Variants in TRIM44 observed in about 807,000 individuals in gnomAD.
The protein encoded by TRIM44 is tripartite motif containing 44.
A neutral mutation model predicts 37.4 loss-of-function variants in TRIM44; 13 were observed. The observed-to-expected ratio is 0.35, with a 90% CI of 0.23 to 0.55. The LOEUF (loss-of-function observed/expected upper bound fraction) is 0.55, where lower values mean the gene tolerates loss of function less well. TRIM44 is among the 20% of genes least tolerant of loss of function. The pLI, the probability that TRIM44 is intolerant of heterozygous loss-of-function variation, is 0.89. For synonymous variants in TRIM44, 175 were observed against 157.2 expected (o/e 1.11, Z -0.85); for missense variants, 426 against 437.2 (o/e 0.97, Z 0.23).
At chr11:35,783,065 G>A (rs940955878) in intron 4 of TRIM44, among the ~76,000 whole-genome samples, 1 of 152,144 alleles carries the variant, frequency 6.6e-6, no homozygotes, top group Non-Finnish European at 1.5e-5. Flanking sequence ...TTACACACCA[G>A]ACTCTATGCT....
chr11:35,758,712 C>T (rs1852682228), intron 4 of TRIM44, among the ~76,000 whole-genome samples: 3 of 152,158 alleles, frequency 2.0e-5, no homozygotes, highest in South Asian at 4.1e-4. Flanking sequence ...CAAAATCTCT[C>T]AGCATTTGTT....
At chr11:35,773,906 A>G (rs547519516) in intron 4 of TRIM44, among the ~76,000 whole-genome samples, 6 of 152,266 alleles carry the variant, frequency 3.9e-5, no homozygotes, top group African/African-American at 1.4e-4. Context: ...AGTCTTTGCT[A>G]TTGTGAATAG....
At chr11:35,721,465 T>C (rs1852106291) in intron 2 of TRIM44, among the ~76,000 whole-genome samples, 2 of 152,198 alleles carry the variant, frequency 1.3e-5, no homozygotes, top group Non-Finnish European at 2.9e-5. Context: ...ACCATTATAT[T>C]ATTTCATTGA....
At chr11:35,761,388 GCTCT>G (rs58015445) in intron 4 of TRIM44, among the ~76,000 whole-genome samples, 2 of 112,760 alleles carry the variant, frequency 1.8e-5, no homozygotes, top group Non-Finnish European at 3.8e-5. Flanking sequence ...TGTATTGTTT[GCTCT>G]CTCTCTCTCT....
chr11:35,704,022 G>A (rs1322193946), intron 2 of TRIM44, among the ~76,000 whole-genome samples: 3 of 152,060 alleles, frequency 2.0e-5, no homozygotes, highest in Non-Finnish European at 4.4e-5. Flanking sequence ...AAAAAATTTA[G>A]ACGAATGTAT....
chr11:35,720,516 G>A (rs574394775), intron 2 of TRIM44, among the ~76,000 whole-genome samples: 114 of 148,840 alleles, frequency 7.7e-4, no homozygotes, highest in African/African-American at 2.7e-3. Flanking sequence ...TTCCCAATCT[G>A]TATACCTTTT....
rs151230000 is a variant in TRIM44 at position 35,738,944 on chromosome 11, G to A, written c.1007+3499G>A. Among the ~76,000 whole-genome samples the A allele has an allele frequency of 4.0e-3, 612 of 152,196 alleles. 8 individuals are homozygous for A. Among genetic ancestry groups the A allele is most frequent in the African/African-American group, 0.014 (588 of 41,512 alleles). On this transcript the variant is annotated intron_variant, in intron 4 of 4. Coordinates refer to ENST00000299413, the MANE Select transcript of TRIM44 (RefSeq NM_017583.6). ...TTAGATTCCAACCAGTCTCCATGGT[G>A]GAAGGAAAAAAGAAAAACTCCTGTC...
chr11:35,771,676 G>A (rs1444061656), intron 4 of TRIM44, among the ~76,000 whole-genome samples: 1 of 150,210 alleles, frequency 6.7e-6, no homozygotes, highest in Non-Finnish European at 1.5e-5. Flanking sequence ...AGTGAGCCAA[G>A]ATCATGCCAC....
intron 4 of TRIM44, among the ~76,000 whole-genome samples, chr11:35,798,275 AGG>A (rs1438402345): frequency 6.6e-6 from 1 of 152,166 alleles, no homozygotes; most frequent in African/African-American, 2.4e-5. Flanking sequence ...GTCCTTTGTG[AGG>A]GCAGTATGTA....
At chr11:35,760,955 A>G (rs1276976049) in intron 4 of TRIM44, among the ~76,000 whole-genome samples, 1 of 151,940 alleles carries the variant, frequency 6.6e-6, no homozygotes, top group African/African-American at 2.4e-5. Context: ...CCCTCCCTCA[A>G]CTGCCCCAGC....
At chr11:35,667,777 A>C (rs2135481625) in intron 1 of TRIM44, among the ~76,000 whole-genome samples, 1 of 152,324 alleles carries the variant, frequency 6.6e-6, no homozygotes, top group East Asian at 1.9e-4. Context: ...GTATTTTATA[A>C]TTAAAGCAGA....
At chr11:35,716,280 A>C (rs1292596984) in intron 2 of TRIM44, among the ~76,000 whole-genome samples, 2 of 152,222 alleles carry the variant, frequency 1.3e-5, no homozygotes, top group Non-Finnish European at 1.5e-5. Flanking sequence ...AGTTGGAGTT[A>C]GAAGCAAGAT....
chr11:35,755,898 G>C (rs1283466340), intron 4 of TRIM44, among the ~76,000 whole-genome samples: 8 of 152,054 alleles, frequency 5.3e-5, no homozygotes, highest in Non-Finnish European at 1.0e-4. Context: ...TGCTGTTTTG[G>C]TTACTGTAGC....
At chr11:35,736,383 A>G (rs1386484672) in intron 4 of TRIM44, among the ~76,000 whole-genome samples, 4 of 152,192 alleles carry the variant, frequency 2.6e-5, no homozygotes, top group Non-Finnish European at 5.9e-5. Context: ...GCAGTGACCT[A>G]GGGTTCCTCA....
Position 35,669,440 on chromosome 11 carries a change from A to T in TRIM44, c.669+5660A>T, listed in dbSNP as rs11826770. Among the ~76,000 whole-genome samples the T allele has an allele frequency of 1.9e-3, 282 of 151,730 alleles. 2 individuals carry two copies. Among genetic ancestry groups the T allele is most frequent in the African/African-American group, 6.5e-3 (271 of 41,390 alleles). On this transcript the variant is annotated intron_variant, in intron 1 of 4. Coordinates refer to ENST00000299413, the MANE Select transcript of TRIM44 (RefSeq NM_017583.6). ...GAAAAGGTGAGAGGGTCCCAAGTCT[A>T]TATGGAAAGGATCCCCTTTATTTAT...
At chr11:35,780,599 T>TA (rs1853049906) in intron 4 of TRIM44, among the ~76,000 whole-genome samples, 1 of 152,232 alleles carries the variant, frequency 6.6e-6, no homozygotes, top group Non-Finnish European at 1.5e-5. Flanking sequence ...GAAAATTCAC[T>TA]AAACAGATGA....
At chr11:35,693,542 T>G (rs545092194) in intron 2 of TRIM44, among the ~76,000 whole-genome samples, 3 of 152,194 alleles carry the variant, frequency 2.0e-5, no homozygotes, top group South Asian at 2.1e-4. Flanking sequence ...TTCTTTAAAG[T>G]CTTAGTTTGA....
At chr11:35,785,180 C>G (rs1250471432) in intron 4 of TRIM44, among the ~76,000 whole-genome samples, 1 of 152,194 alleles carries the variant, frequency 6.6e-6, no homozygotes, top group Non-Finnish European at 1.5e-5. Context: ...TTGAATCTGA[C>G]TTCCATATTC....
chr11:35,707,439 A>G (rs1318384234), intron 2 of TRIM44, among the ~76,000 whole-genome samples: 1 of 152,206 alleles, frequency 6.6e-6, no homozygotes, highest in African/African-American at 2.4e-5. Context: ...GAACCAAAAA[A>G]GAGCCCGCAT....
Sources: allele counts gnomAD v4.1 joint callset (sites outside exome capture counted in the v4.1 genomes callset), GRCh38; gene constraint gnomAD v4.1.1; transcripts MANE v1.5; gene names NCBI Gene and HGNC (gene_info 2026-07-23, HGNC 2026-07-21).